GRIK4: variants seen among roughly 807,000 people sequenced by gnomAD.
GRIK4 encodes the protein glutamate ionotropic receptor kainate type subunit 4, also known as glutamate receptor ionotropic, kainate 4.
A neutral mutation model predicts 104.9 loss-of-function variants in GRIK4; 40 were observed. The ratio of observed to expected loss-of-function variants is 0.38; its 90% confidence interval spans 0.30 to 0.50. The LOEUF (loss-of-function observed/expected upper bound fraction) is 0.50, where lower values mean the gene tolerates loss of function less well. GRIK4 is among the 20% of genes least tolerant of loss of function. The pLI is 0.93. For synonymous variants in GRIK4, 485 were observed against 524.9 expected (o/e 0.92, Z 1.04); for missense variants, 1,047 against 1,308.1 (o/e 0.80, Z 3.08).
chr11:120,573,390 T>C (rs1395151591), intron 1 of GRIK4, among the ~76,000 whole-genome samples: 1 of 152,126 alleles, frequency 6.6e-6, no homozygotes, highest in Non-Finnish European at 1.5e-5. Flanking sequence ...CACGTGGCTG[T>C]TGAGGGGAAG....
At chr11:120,924,869 T>C (rs1245764952) in intron 13 of GRIK4, among the ~76,000 whole-genome samples, 1 of 152,232 alleles carries the variant, frequency 6.6e-6, no homozygotes, top group Non-Finnish European at 1.5e-5. Context: ...GAACAATGTC[T>C]TCAGCTCTCT....
Position 120,898,551 on chromosome 11 carries a change from C to T in GRIK4, c.1184C>T (p.Ala395Val). The T allele has an allele frequency of 1.2e-6, 2 of 1,607,268 alleles. No individual in the cohort carries two copies. The highest frequency in any genetic ancestry group is 1.7e-6 in the Non-Finnish European group (2 of 1,173,732). Residue 395 changes from alanine to valine, a missense_variant, in exon 12 of 21, where the codon GCA (alanine) becomes GTA (valine). This residue lies in a region of GRIK4 where 440 missense variants were observed against 652.3 expected (regional missense o/e 0.67). Transcript: ENST00000527524. Reference protein sequence around the residue: ...GFRQIGQWHVAEGLSMDSHLY... With the variant: ...GFRQIGQWHVVEGLSMDSHLY... ...CCTCAGATCGGCCAGTGGCACGTGG[C>T]AGAGGGCCTCAGCATGGACAGCCAC...
At chr11:120,706,234 C>T (rs565529057) in intron 3 of GRIK4, among the ~76,000 whole-genome samples, 2 of 152,310 alleles carry the variant, frequency 1.3e-5, no homozygotes, top group East Asian at 1.9e-4. Flanking sequence ...TGATCTCTGC[C>T]TGTAATTCTT....
intron 1 of GRIK4, among the ~76,000 whole-genome samples, chr11:120,570,966 T>C (rs1948390317): frequency 6.6e-6 from 1 of 152,238 alleles, no homozygotes; most frequent in South Asian, 2.1e-4. Flanking sequence ...TATCATTTGC[T>C]TAGTTTTCTT....
intron 13 of GRIK4, among the ~76,000 whole-genome samples, chr11:120,931,708 G>A (rs955227353): frequency 1.3e-5 from 2 of 152,198 alleles, no homozygotes; most frequent in African/African-American, 4.8e-5. Flanking sequence ...GAGGTAACAT[G>A]TAAAGGGCTT....
intron 8 of GRIK4, among the ~76,000 whole-genome samples, chr11:120,841,464 A>G (rs763800199): frequency 6.6e-6 from 1 of 152,250 alleles, no homozygotes; most frequent in Admixed American, 6.5e-5. Flanking sequence ...CAAATAATAT[A>G]CTATGTGTGT....
intron 19 of GRIK4, among the ~76,000 whole-genome samples, chr11:120,968,357 G>A (rs1237621905): frequency 6.6e-6 from 1 of 152,166 alleles, no homozygotes; most frequent in Non-Finnish European, 1.5e-5. Flanking sequence ...ATATGGTCAC[G>A]TACCATATCT....
At chr11:120,811,252 T>C (rs538325500) in intron 4 of GRIK4, among the ~76,000 whole-genome samples, 31 of 152,300 alleles carry the variant, frequency 2.0e-4, no homozygotes, top group African/African-American at 6.0e-4. Context: ...CTTTATAATA[T>C]GTTATAAAAA....
At chr11:120,727,649 C>A (rs188009604) in intron 3 of GRIK4, among the ~76,000 whole-genome samples, 1 of 152,030 alleles carries the variant, frequency 6.6e-6, no homozygotes. Context: ...CACACTGTTT[C>A]ACGATGAGCT....
At chr11:120,682,188 C>T (rs898469656) in intron 3 of GRIK4, among the ~76,000 whole-genome samples, 10 of 152,296 alleles carry the variant, frequency 6.6e-5, no homozygotes, top group African/African-American at 2.4e-4. Flanking sequence ...AATTGAAATG[C>T]AAATCCTGGT....
chr11:120,739,818 C>G (rs1008364269), intron 3 of GRIK4, among the ~76,000 whole-genome samples: 1 of 152,228 alleles, frequency 6.6e-6, no homozygotes, highest in Non-Finnish European at 1.5e-5. Flanking sequence ...TTACGCTGAT[C>G]TGGTACAATC....
chr11:120,830,433 T>C (rs1490504101), intron 6 of GRIK4, among the ~76,000 whole-genome samples: 1 of 152,140 alleles, frequency 6.6e-6, no homozygotes, highest in African/African-American at 2.4e-5. Flanking sequence ...CAATCTGCAA[T>C]GCGAGGAGGT....
chr11:120,646,144 A>G (rs964274876), intron 1 of GRIK4, among the ~76,000 whole-genome samples: 2 of 152,232 alleles, frequency 1.3e-5, no homozygotes, highest in Admixed American at 6.5e-5. Flanking sequence ...CCTAAATACC[A>G]GTCTCCCCAA....
chr11:120,802,157 T>A (rs1298168038), intron 3 of GRIK4, among the ~76,000 whole-genome samples: 3 of 152,224 alleles, frequency 2.0e-5, no homozygotes, highest in Non-Finnish European at 4.4e-5. Context: ...ACTAAGTAGC[T>A]CACTTTGGTG....
intron 15 of GRIK4, among the ~76,000 whole-genome samples, chr11:120,954,934 G>A (rs895127479): frequency 3.9e-5 from 6 of 152,056 alleles, no homozygotes; most frequent in Admixed American, 1.3e-4. Flanking sequence ...CTTTGGGGGT[G>A]GAATGACAAG....
chr11:120,966,247 A>G (rs1944381524), intron 18 of GRIK4, among the ~76,000 whole-genome samples: 1 of 152,222 alleles, frequency 6.6e-6, no homozygotes, highest in South Asian at 2.1e-4. Context: ...GCTGAGAGTG[A>G]GGAACACCTG....
At chr11:120,917,039 A>G (rs1943118785) in intron 13 of GRIK4, among the ~76,000 whole-genome samples, 1 of 152,008 alleles carries the variant, frequency 6.6e-6, no homozygotes, top group African/African-American at 2.4e-5. Flanking sequence ...TGAGGTCAGG[A>G]GTTCGAGACC....
At chr11:120,826,591 A>G (rs570315370) in intron 6 of GRIK4, among the ~76,000 whole-genome samples, 2 of 152,226 alleles carry the variant, frequency 1.3e-5, no homozygotes, top group African/African-American at 4.8e-5. Flanking sequence ...ACATCCTGAA[A>G]TCAGGAGGCT....
rs552216955 is a variant in GRIK4, at chr11:120,572,640, G to C, written c.-159+60753G>C. Among the ~76,000 whole-genome samples the C allele has an allele frequency of 6.6e-5, 10 of 152,282 alleles. No individual in the cohort carries two copies. In the East Asian group the frequency reaches 1.9e-3, roughly 29 times the overall value. ...ACTGCCTTTCTTGGGAAGTTTTCCA[G>C]GTAGAGTGGGAGCAAAATGGCAATT... On this transcript the variant is annotated intron_variant, in intron 1 of 20. Transcript: ENST00000527524.
Sources: gnomAD v4.1 joint callset for allele counts (sites outside exome capture counted in the v4.1 genomes callset) on GRCh38, gnomAD v4.1.1 for gene constraint, gnomAD v4.1.1 regional missense constraint, MANE v1.5 for transcripts, NCBI Gene and HGNC (gene_info 2026-07-23, HGNC 2026-07-21) for gene names.